Variants in WT1 observed in about 807,000 individuals in gnomAD.
WT1 encodes the protein WT1 transcription factor.
WT1 carries 8 observed loss-of-function variants against 60.8 expected under a neutral mutation model. The observed-to-expected ratio is 0.13, with a 90% CI of 0.08 to 0.24. The LOEUF (loss-of-function observed/expected upper bound fraction) is 0.24, where lower values mean the gene tolerates loss of function less well. Among genes scored for constraint, WT1 ranks in the 10% least tolerant of loss-of-function variants. The pLI, the probability that WT1 is intolerant of heterozygous loss-of-function variation, is 1.00. For synonymous variants in WT1, 312 were observed against 297.1 expected (o/e 1.05, Z -0.52); for missense variants, 568 against 711.8 (o/e 0.80, Z 2.30).
At chr11:32,407,018 G>A (rs991801728) in intron 5 of WT1, among the ~76,000 whole-genome samples, 10 of 152,108 alleles carry the variant, frequency 6.6e-5, no homozygotes, top group African/African-American at 2.4e-4. Flanking sequence ...AGAATCGCTT[G>A]AATCCGGGAG....
intron 7 of WT1, 91 bp downstream of exon 7, chr11:32,396,166 T>G: frequency 6.3e-7 from 1 of 1,583,350 alleles, no homozygotes; most frequent in Non-Finnish European, 8.7e-7. Flanking sequence ...CTTTCCATCC[T>G]GGAAATAACC....
chr11:32,402,545 C>T (rs1202272881), intron 5 of WT1, among the ~76,000 whole-genome samples: 1 of 152,210 alleles, frequency 6.6e-6, no homozygotes, highest in African/African-American at 2.4e-5. Flanking sequence ...ATGTGACTTA[C>T]ACATTTTCTT....
intron 2 of WT1, 48 bp from the exon 3 acceptor site, chr11:32,428,106 G>A: frequency 6.6e-7 from 1 of 1,519,606 alleles, no homozygotes; most frequent in Non-Finnish European, 8.9e-7. Flanking sequence ...CCAAGGGCTC[G>A]GGGTGCGAGG....
intron 3 of WT1, among the ~76,000 whole-genome samples, chr11:32,420,587 G>C (rs911042577): frequency 6.6e-6 from 1 of 152,108 alleles, no homozygotes. Context: ...GAGGCACAGA[G>C]AGATGCCCAG....
chr11:32,399,924 G>A (rs749964980), intron 6 of WT1, 24 bp downstream of exon 6: 7 of 1,611,740 alleles, frequency 4.3e-6, no homozygotes, highest in Non-Finnish European at 5.9e-6. Flanking sequence ...CCCCCTTCCC[G>A]CTGGGGCCTG....
chr11:32,426,169 A>T (rs181206185), intron 3 of WT1, among the ~76,000 whole-genome samples: 2 of 152,170 alleles, frequency 1.3e-5, no homozygotes, highest in South Asian at 2.1e-4. Flanking sequence ...TCCAGTCCCC[A>T]ACCCCCAAGA....
chr11:32,414,050 T>C (rs1852587036), intron 5 of WT1, among the ~76,000 whole-genome samples: 1 of 152,170 alleles, frequency 6.6e-6, no homozygotes, highest in Admixed American at 6.5e-5. Flanking sequence ...TTTATATACA[T>C]CCTTAGATAA....
At chr11:32,400,192 G>A in intron 5 of WT1, 148 bp from the exon 6 acceptor site, 1 of 924,100 alleles carries the variant, frequency 1.1e-6, no homozygotes. Context: ...GGCCACTTTA[G>A]ATGCAGGGTT....
Position 32,435,030 on chromosome 11 carries a change from G to A in WT1, c.331C>T (p.Leu111=), listed in dbSNP as rs2133104719. 1 of 1,466,948 alleles carries A rather than the reference G, an allele frequency of 6.8e-7. No homozygotes were observed. 90.9% of individuals were successfully genotyped at this position (1,466,948 alleles called of 1,614,324 possible). A position where few individuals can be genotyped will look rare whatever the true frequency, so the allele number is the denominator to read the frequency against. ...GAAGCGCCCGGGGGCGCAAAGTCCA[G>A]CACCGGCGCCCACTGCGCCGCGCCG... The change falls in exon 1 of 10, where the codon CTG becomes TTG. Residue 111 remains leucine (L), a synonymous_variant. Coordinates refer to ENST00000452863, the MANE Select transcript of WT1 (RefSeq NM_024426.6).
At chr11:32,391,648 T>C (rs1360621422) in intron 9 of WT1, among the ~76,000 whole-genome samples, 2 of 152,338 alleles carry the variant, frequency 1.3e-5, no homozygotes, top group East Asian at 3.9e-4. Context: ...TTCTGTAAAG[T>C]TGATTATCGT....
intron 6 of WT1, among the ~76,000 whole-genome samples, chr11:32,399,191 C>T (rs749534081): frequency 3.3e-5 from 5 of 150,612 alleles, no homozygotes; most frequent in Middle Eastern, 3.4e-3. Flanking sequence ...AAAAAAAGAC[C>T]GGTGATTATT....
At chr11:32,428,113 G>A (rs1046633401) in intron 2 of WT1, 55 bp from the exon 3 acceptor site, 3 of 1,481,468 alleles carry the variant, frequency 2.0e-6, no homozygotes, top group African/African-American at 1.4e-5. Context: ...CTCGGGGTGC[G>A]AGGCTGCGGG....
intron 5 of WT1, among the ~76,000 whole-genome samples, chr11:32,408,885 C>T (rs1402243437): frequency 1.3e-5 from 2 of 152,244 alleles, no homozygotes; most frequent in Non-Finnish European, 2.9e-5. Flanking sequence ...ACTGTGTACT[C>T]GTATGAACCA....
At chr11:32,395,619 A>G (rs954177774) in intron 7 of WT1, among the ~76,000 whole-genome samples, 2 of 151,722 alleles carry the variant, frequency 1.3e-5, no homozygotes, top group African/African-American at 4.8e-5. Context: ...GTGCCACCAC[A>G]CCCGGCTCAT....
Position 32,392,739 on chromosome 11 carries a change from C to G in WT1, c.1281G>C (p.Gln427His), listed in dbSNP as rs774650640. ...TTCGTTCACAGTCCTTGAAGTCACACTGGTATGGTTTCTCACCTTGGGGAA... is the reference window on the plus strand; with the variant it reads ...TTCGTTCACAGTCCTTGAAGTCACAGTGGTATGGTTTCTCACCTTGGGGAA... The change falls in exon 8 of 10, where the codon CAG becomes CAC. Residue 427 changes from glutamine (Q) to histidine (H), a missense_variant. Physicochemically the swap from Gln to His is conservative, Grantham distance 24. Transcript: ENST00000452863. 6.8e-6 allele frequency: 11 copies of G among 1,613,992 alleles called. No homozygotes were observed. Among genetic ancestry groups the G allele is most frequent in the Non-Finnish European group, 9.3e-6 (11 of 1,179,886 alleles).
At chr11:32,418,244 T>TAGAA (rs1852741786) in intron 3 of WT1, among the ~76,000 whole-genome samples, 1 of 129,636 alleles carries the variant, frequency 7.7e-6, no homozygotes, top group African/African-American at 2.8e-5. Context: ...CAAGTCAAAT[T>TAGAA]AAAAAAAAAA....
chr11:32,392,034 T>A lies in WT1; in HGVS notation c.1385A>T (p.Gln462Leu), dbSNP rs533043871. ...GTGGTCGGACCGGGAGAACTTTCGC[T>A]GACAAGTTTTACACTGGAATGGTTT... Residue 462 changes from glutamine (Q) to leucine (L), a missense_variant, in exon 9 of 10, where the codon CAG becomes CTG. Gln to Leu is a moderately radical substitution (Grantham distance 113, BLOSUM62 -2). Around this residue, in one of 3 missense-constraint regions of WT1, gnomAD observed 16 missense variants for 99.8 expected, o/e 0.16. Coordinates refer to ENST00000452863, the MANE Select transcript of WT1 (RefSeq NM_024426.6). The A allele has an allele frequency of 1.9e-6, 3 of 1,614,158 alleles. No individual in the cohort carries two copies. The African/African-American group carries it at 4.0e-5, about 22-fold the overall frequency.
chr11:32,428,700 G>T, intron 1 of WT1, 81 bp from the exon 2 acceptor site: 5 of 1,549,750 alleles, frequency 3.2e-6, no homozygotes, highest in South Asian at 2.3e-5. Flanking sequence ...GCCACGGGCG[G>T]GGGGGGTGTG....
intron 1 of WT1, among the ~76,000 whole-genome samples, chr11:32,429,474 C>T (rs988731617): frequency 7.1e-6 from 1 of 140,058 alleles, no homozygotes; most frequent in East Asian, 2.2e-4. Context: ...CCCCCCCCCC[C>T]CAAAGTGAGA....
Sources: allele counts gnomAD v4.1 joint callset (sites outside exome capture counted in the v4.1 genomes callset), GRCh38; gene constraint gnomAD v4.1.1; regional missense constraint gnomAD v4.1.1; transcripts MANE v1.5; gene names NCBI Gene and HGNC (gene_info 2026-07-23, HGNC 2026-07-21).